EDA: variants seen among roughly 807,000 people sequenced by gnomAD.
The protein encoded by EDA is ectodysplasin A.
In EDA, 2 loss-of-function variants were observed where a neutral mutation model predicts 23.6. The observed-to-expected ratio is 0.08, with a 90% CI of 0.03 to 0.27. The LOEUF (loss-of-function observed/expected upper bound fraction) is 0.27. Ranked by LOEUF, EDA falls within the 10% of genes least tolerant of loss-of-function variation. The probability of loss-of-function intolerance (pLI) is 1.00; values close to 1 mark genes in which losing one functional copy is unlikely to be tolerated. For synonymous variants in EDA, 131 were observed against 132.0 expected (o/e 0.99, Z 0.05); for missense variants, 229 against 324.2 (o/e 0.71, Z 2.26).
chrX:69,898,339 G>A (rs982967795), intron 1 of EDA, among the ~76,000 whole-genome samples: 1 of 111,545 alleles, frequency 9.0e-6, no homozygotes, highest in Non-Finnish European at 1.9e-5. Context: ...TTGGGAGGCC[G>A]AAGCAGGTGG....
intron 2 of EDA, among the ~76,000 whole-genome samples, chrX:69,969,462 C>G (rs1263255901): frequency 9.0e-6 from 1 of 111,608 alleles, no homozygotes; most frequent in Non-Finnish European, 1.9e-5. Context: ...TTGAAATGAT[C>G]AGATTATAAA....
At chrX:69,863,583 A>G (rs1401223271) in intron 1 of EDA, among the ~76,000 whole-genome samples, 13 of 62,606 alleles carry the variant, frequency 2.1e-4, no homozygotes, top group Admixed American at 1.0e-3. Flanking sequence ...ATGTGTGTGT[A>G]TATATACATA....
intron 1 of EDA, among the ~76,000 whole-genome samples, chrX:69,681,688 C>G (rs1934358022): frequency 9.1e-6 from 1 of 110,311 alleles, no homozygotes; most frequent in African/African-American, 3.3e-5. Context: ...CCTTTAAGCA[C>G]TTCTCTGTAT....
At chrX:69,699,113 A>T (rs2011459369) in intron 1 of EDA, among the ~76,000 whole-genome samples, 1 of 111,311 alleles carries the variant, frequency 9.0e-6, no homozygotes, top group Non-Finnish European at 1.9e-5. Context: ...TCAGTGGCAG[A>T]TAAAGCAGGT....
chrX:69,852,025 T>C (rs930475807), intron 1 of EDA, among the ~76,000 whole-genome samples: 1 of 112,319 alleles, frequency 8.9e-6, no homozygotes, highest in Non-Finnish European at 1.9e-5. Context: ...TGTTATATCC[T>C]ACAGAAAAAT....
At chrX:69,666,061 G>A (rs1418882341) in intron 1 of EDA, among the ~76,000 whole-genome samples, 2 of 111,336 alleles carry the variant, frequency 1.8e-5, no homozygotes, top group East Asian at 2.8e-4. Context: ...GTATGTTTTC[G>A]ATGCTATCAT....
At chrX:69,758,209 T>A (rs1409528700) in intron 1 of EDA, among the ~76,000 whole-genome samples, 2 of 112,320 alleles carry the variant, frequency 1.8e-5, no homozygotes, top group Non-Finnish European at 3.8e-5. Context: ...TTCATCTTCA[T>A]CTTTATACAC....
At chrX:69,622,007 C>T (rs904962512) in intron 1 of EDA, among the ~76,000 whole-genome samples, 27 of 111,486 alleles carry the variant, frequency 2.4e-4, no homozygotes, top group African/African-American at 8.8e-4. Flanking sequence ...AATACTCCCA[C>T]CTCAGTGTAC....
chrX:69,825,613 T>C (rs1242822349), intron 1 of EDA, among the ~76,000 whole-genome samples: 8 of 113,256 alleles, frequency 7.1e-5, no homozygotes, highest in African/African-American at 1.9e-4. Flanking sequence ...GTCTTGCTAG[T>C]GGTCTATCAA....
At chrX:69,782,765 G>C (rs764216892) in intron 1 of EDA, among the ~76,000 whole-genome samples, 2 of 111,982 alleles carry the variant, frequency 1.8e-5, no homozygotes, top group African/African-American at 6.5e-5. Flanking sequence ...CAAGGACTGG[G>C]AGACGGAATA....
At chrX:69,711,071 A>C (rs1239649572) in intron 1 of EDA, among the ~76,000 whole-genome samples, 11 of 111,519 alleles carry the variant, frequency 9.9e-5, no homozygotes, top group African/African-American at 3.6e-4. Context: ...GTCTTGTGCC[A>C]GTTTTCAAAG....
intron 2 of EDA, among the ~76,000 whole-genome samples, chrX:70,020,516 A>G (rs2020017753): frequency 1.8e-5 from 2 of 109,202 alleles, no homozygotes; most frequent in South Asian, 4.0e-4. Flanking sequence ...CCAAGATCGC[A>G]CCACTACACT....
chrX:69,757,576 G>A (rs145045132), intron 1 of EDA, among the ~76,000 whole-genome samples: 2,865 of 111,794 alleles, frequency 0.026, 38 homozygotes, highest in Non-Finnish European at 0.042. Flanking sequence ...TTCTCACTTC[G>A]CAGCAGATAC....
chrX:69,707,112 T>C (rs1354176525), intron 1 of EDA, among the ~76,000 whole-genome samples: 2 of 111,933 alleles, frequency 1.8e-5, no homozygotes, highest in South Asian at 3.7e-4. Context: ...GTGGACAGAG[T>C]TGGCAGAACA....
intron 1 of EDA, among the ~76,000 whole-genome samples, chrX:69,933,447 C>T (rs982447189): frequency 3.6e-5 from 4 of 111,424 alleles, no homozygotes; most frequent in Admixed American, 2.9e-4. Flanking sequence ...TTTGGGAGGC[C>T]GAGGCGGGCA....
At chrX:69,920,051 C>CT (rs1470531337) in intron 1 of EDA, among the ~76,000 whole-genome samples, 1 of 110,982 alleles carries the variant, frequency 9.0e-6, no homozygotes, top group Non-Finnish European at 1.9e-5. Context: ...CCTTCTTTTC[C>CT]TTTGTGTTGG....
intron 1 of EDA, among the ~76,000 whole-genome samples, chrX:69,947,059 T>G (rs776341419): frequency 8.9e-6 from 1 of 112,764 alleles, no homozygotes; most frequent in African/African-American, 3.2e-5. Context: ...TGATTGCCTT[T>G]AGTGATTTCC....
chrX:69,870,408 C>T (rs1010493965), intron 1 of EDA, among the ~76,000 whole-genome samples: 12 of 110,928 alleles, frequency 1.1e-4, no homozygotes, highest in African/African-American at 3.9e-4. Flanking sequence ...TCTAGGGGCC[C>T]GCCGGGAGTT....
intron 1 of EDA, among the ~76,000 whole-genome samples, chrX:69,777,142 GTTTTGTTGTTGT>G (rs1422610373): frequency 4.2e-5 from 2 of 47,114 alleles, no homozygotes; most frequent in Non-Finnish European, 1.2e-4. Flanking sequence ...TTGATTCTGG[GTTTTGTTGTTGT>G]TGTTGTTGTT....
Sources: gnomAD v4.1 joint callset for allele counts (sites outside exome capture counted in the v4.1 genomes callset) on GRCh38, gnomAD v4.1.1 for gene constraint, MANE v1.5 for transcripts, NCBI Gene and HGNC (gene_info 2026-07-23, HGNC 2026-07-21) for gene names.